Variants in TCP11L1 observed in about 807,000 individuals in gnomAD.
TCP11L1 encodes the protein T-complex protein 11-like protein 1.
TCP11L1 carries 28 observed loss-of-function variants against 48.9 expected under a neutral mutation model. The observed-to-expected ratio is 0.57, with a 90% CI of 0.42 to 0.78. The LOEUF (loss-of-function observed/expected upper bound fraction) is 0.78, where lower values mean the gene tolerates loss of function less well. Among genes scored for constraint, TCP11L1 ranks in the 30% least tolerant of loss-of-function variants. The pLI is 0.00. For synonymous variants in TCP11L1, 204 were observed against 231.9 expected (o/e 0.88, Z 1.09); for missense variants, 505 against 613.4 (o/e 0.82, Z 1.87).
In TCP11L1 at chr11:33,057,905, G is replaced by A. The variant is rs546153565; in HGVS notation, c.418-14G>A. The A allele has an allele frequency of 4.6e-5, 73 of 1,596,124 alleles. No homozygotes were observed. Among genetic ancestry groups the A allele is most frequent in the East Asian group, 4.5e-4 (20 of 44,718 alleles). ...TAAAGAATTTTGATTAAACGTAGCT[G>A]TGTTCTCTTGTAGACTCTCTTATCT... On this transcript the variant is annotated splice_polypyrimidine_tract_variant and intron_variant, in intron 4 of 9. Coordinates refer to ENST00000334274, the MANE Select transcript of TCP11L1 (RefSeq NM_018393.4).
intron 1 of TCP11L1, 111 bp downstream of exon 1, chr11:33,039,903 G>C (rs1271434925): frequency 6.6e-6 from 1 of 152,410 alleles, no homozygotes; most frequent in African/African-American, 2.4e-5. Context: ...CGGGATGTCG[G>C]GGGCAGGCGA....
At chr11:33,064,786 G>T (rs12221857) in intron 7 of TCP11L1, among the ~76,000 whole-genome samples, 64,031 of 152,092 alleles carry the variant, frequency 0.42, 13,790 homozygotes, top group African/African-American at 0.51. Context: ...TGGGATTTTT[G>T]TTGTTGTTGT....
At chr11:33,070,788 G>T (rs1262320433) in intron 9 of TCP11L1, among the ~76,000 whole-genome samples, 2 of 151,908 alleles carry the variant, frequency 1.3e-5, no homozygotes, top group Admixed American at 6.6e-5. Context: ...GATTACCTGA[G>T]GTCAGGAGTT....
rs959503250 is a variant in TCP11L1 at position 33,059,104 on chromosome 11, A to C, written c.775+9A>C. 6.2e-7 allele frequency: 1 copy of C among 1,612,302 alleles called. No individual in the cohort carries two copies. Among genetic ancestry groups the C allele is most frequent in the African/African-American group, 1.3e-5 (1 of 74,932 alleles). On this transcript the variant is annotated intron_variant, in intron 6 of 9. Coordinates refer to ENST00000334274, the MANE Select transcript of TCP11L1 (RefSeq NM_018393.4). ...TTTGGAGAGGCAACCAAGTATGTTG[A>C]ATATTTTGTGGTACTTTTTTTGTTG...
At chr11:33,067,073 A>G (rs1201976368) in intron 8 of TCP11L1, among the ~76,000 whole-genome samples, 1 of 152,170 alleles carries the variant, frequency 6.6e-6, no homozygotes, top group Non-Finnish European at 1.5e-5. Flanking sequence ...AACCAGCTAT[A>G]TTCCTGCAGA....
intron 7 of TCP11L1, among the ~76,000 whole-genome samples, chr11:33,062,683 C>T (rs1387780267): frequency 6.6e-6 from 1 of 152,194 alleles, no homozygotes; most frequent in Admixed American, 6.5e-5. Flanking sequence ...ATTGCCCCCG[C>T]CCTCTGGCCC....
At position 33,057,177 on chromosome 11, in the gene TCP11L1, TAAGTG is replaced by T; in HGVS notation, c.363_367del (p.Ser121ArgfsTer6). 1 of 1,614,134 alleles carries T rather than the reference TAAGTG, an allele frequency of 6.2e-7. No homozygotes were observed. Among genetic ancestry groups the T allele is most frequent in the Non-Finnish European group, 8.5e-7 (1 of 1,180,026 alleles). On this transcript the variant is annotated frameshift_variant, in exon 4 of 10. Transcript: ENST00000334274. LOFTEE classifies it high-confidence loss of function. ...TTTTGGGATTGCTTGAGTGTGCAGC[TAAGTG>T]AAGATCCCCCAGCATATGACCATGC... is the stretch of plus-strand genomic sequence containing the variant.
intron 2 of TCP11L1, among the ~76,000 whole-genome samples, chr11:33,048,397 A>G: frequency 6.6e-6 from 1 of 152,162 alleles, no homozygotes; most frequent in Non-Finnish European, 1.5e-5. Context: ...ACCAAATTGC[A>G]TCTTTATGCA....
At chr11:33,060,656 A>C (rs1254006615) in intron 6 of TCP11L1, among the ~76,000 whole-genome samples, 1 of 152,158 alleles carries the variant, frequency 6.6e-6, no homozygotes, top group East Asian at 1.9e-4. Flanking sequence ...GCAGGGGTGC[A>C]GGAGGGCTGC....
At chr11:33,064,751 A>T (rs1854565027) in intron 7 of TCP11L1, among the ~76,000 whole-genome samples, 1 of 152,160 alleles carries the variant, frequency 6.6e-6, no homozygotes, top group African/African-American at 2.4e-5. Context: ...CTCTGCCTGC[A>T]AGGCAGTCCT....
At chr11:33,066,600 T>G (rs1854628614) in intron 8 of TCP11L1, among the ~76,000 whole-genome samples, 1 of 152,016 alleles carries the variant, frequency 6.6e-6, no homozygotes, top group Admixed American at 6.6e-5. Flanking sequence ...TGGCTCGGTG[T>G]TGAGTGCCAT....
intron 2 of TCP11L1, among the ~76,000 whole-genome samples, chr11:33,052,600 T>C (rs938181756): frequency 5.9e-5 from 9 of 152,304 alleles, no homozygotes; most frequent in Admixed American, 4.6e-4. Flanking sequence ...CCAGATCTTA[T>C]CACTATCACA....
rs113526795 is a variant in TCP11L1, at chr11:33,044,030, G to C, written c.163+94G>C. ...CCTTGTGCATGTGGCCGTGAGCTAG[G>C]TTCTAATAATATAACATTGCCAATG... is the stretch of plus-strand genomic sequence containing the variant. On this transcript the variant is annotated intron_variant, in intron 2 of 9. Coordinates refer to ENST00000334274, the MANE Select transcript of TCP11L1 (RefSeq NM_018393.4). 17 of 1,281,094 alleles carry C rather than the reference G, an allele frequency of 1.3e-5. 1 individual carries two copies. The highest frequency in any genetic ancestry group is 1.2e-4 in the African/African-American group (8 of 66,118). 79.4% of individuals were successfully genotyped at this position (1,281,094 alleles called of 1,614,324 possible). A position where few individuals can be genotyped will look rare whatever the true frequency, so the allele number is the denominator to read the frequency against.
intron 2 of TCP11L1, among the ~76,000 whole-genome samples, chr11:33,049,333 G>T (rs1854089676): frequency 6.6e-6 from 1 of 151,966 alleles, no homozygotes; most frequent in Non-Finnish European, 1.5e-5. Context: ...GTAAGACATT[G>T]ATTATTTTTG....
chr11:33,047,944 A>G (rs1237500634), intron 2 of TCP11L1, among the ~76,000 whole-genome samples: 3 of 152,200 alleles, frequency 2.0e-5, no homozygotes, highest in Non-Finnish European at 2.9e-5. Flanking sequence ...TTCAGAGTGT[A>G]TAGGCATCTC....
rs538462052 is a variant in TCP11L1, at chr11:33,067,338, C to A, written c.1154+1327C>A. Among the ~76,000 whole-genome samples, 3 of 152,318 alleles carry A rather than the reference C, an allele frequency of 2.0e-5. No individual in the cohort carries two copies. In the East Asian group the frequency reaches 5.8e-4, roughly 29 times the overall value. ...AGAGACTTCTTCAAGGGAAGTACCCCCTAAACATTCTCATCCTTACAAAAT... is the reference window on the plus strand; with the variant it reads ...AGAGACTTCTTCAAGGGAAGTACCCACTAAACATTCTCATCCTTACAAAAT... On this transcript the variant is annotated intron_variant, in intron 8 of 9. Coordinates refer to ENST00000334274, the MANE Select transcript of TCP11L1 (RefSeq NM_018393.4).
intron 8 of TCP11L1, among the ~76,000 whole-genome samples, chr11:33,067,911 T>A (rs1017758510): frequency 1.8e-4 from 27 of 151,906 alleles, no homozygotes; most frequent in African/African-American, 4.6e-4. Context: ...TTTTTAAAAA[T>A]TTTTTAATTT....
chr11:33,059,130 T>C, intron 6 of TCP11L1, 35 bp downstream of exon 6: 1 of 1,603,772 alleles, frequency 6.2e-7, no homozygotes, highest in Non-Finnish European at 8.5e-7. Flanking sequence ...TTTTTTGTTG[T>C]CTGTGGTTTT....
chr11:33,046,311 G>C (rs1386765201), intron 2 of TCP11L1, among the ~76,000 whole-genome samples: 4 of 152,216 alleles, frequency 2.6e-5, no homozygotes, highest in Non-Finnish European at 5.9e-5. Context: ...ACTTTTATAG[G>C]TTCAGCCATT....
Sources: gnomAD v4.1 joint callset for allele counts (sites outside exome capture counted in the v4.1 genomes callset) on GRCh38, gnomAD v4.1.1 for gene constraint, MANE v1.5 for transcripts, NCBI Gene and HGNC (gene_info 2026-07-23, HGNC 2026-07-21) for gene names.